GNG4: variants seen among roughly 807,000 people sequenced by gnomAD.
GNG4 encodes the protein guanine nucleotide-binding protein G(I)/G(S)/G(O) subunit gamma-4.
In GNG4, 4 loss-of-function variants were observed where a neutral mutation model predicts 5.8. The observed-to-expected ratio is 0.69, with a 90% CI of 0.34 to 1.57. The LOEUF (loss-of-function observed/expected upper bound fraction) is 1.57, where lower values mean the gene tolerates loss of function less well. Among genes scored for constraint, GNG4 ranks in the 40% most tolerant of loss-of-function variants. The pLI, the probability that GNG4 is intolerant of heterozygous loss-of-function variation, is 0.06. For missense variants in GNG4, 96 were observed against 95.1 expected (o/e 1.01, Z -0.04); for synonymous variants, 29 against 32.9 (o/e 0.88, Z 0.41).
chr1:235,598,877 C>A (rs1688188192), intron 1 of GNG4, among the ~76,000 whole-genome samples: 1 of 152,054 alleles, frequency 6.6e-6, no homozygotes, highest in African/African-American at 2.4e-5. Context: ...AGGTGCATGC[C>A]ACCATGCCTA....
Position 235,640,970 on chromosome 1 carries a change from G to C in GNG4, c.-123+8692C>G, listed in dbSNP as rs535532194. 7.0e-4 allele frequency among the ~76,000 whole-genome samples: 107 copies of C among 152,354 alleles called. 1 individual carries two copies. Among genetic ancestry groups the C allele is most frequent in the African/African-American group, 2.5e-3 (103 of 41,592 alleles). On this transcript the variant is annotated intron_variant, in intron 1 of 3. Coordinates refer to ENST00000391854, the MANE Select transcript of GNG4 (RefSeq NM_001098722.2). ...GTGTCATTTTGCAAAAAGAATCTCT[G>C]TCTCTTCCTCTACCTTGAGTTACAC...
At chr1:235,639,582 C>G (rs766163640) in intron 1 of GNG4, among the ~76,000 whole-genome samples, 1 of 152,030 alleles carries the variant, frequency 6.6e-6, no homozygotes, top group Non-Finnish European at 1.5e-5. Context: ...CTTACTCTGT[C>G]GCCCAGGCTG....
chr1:235,604,968 G>A (rs763605876), intron 1 of GNG4, among the ~76,000 whole-genome samples: 2 of 152,142 alleles, frequency 1.3e-5, no homozygotes, highest in East Asian at 1.9e-4. Context: ...AGCATGAACT[G>A]AGAAGCAGAA....
At chr1:235,593,450 T>C (rs1389836621) in intron 2 of GNG4, among the ~76,000 whole-genome samples, 2 of 152,214 alleles carry the variant, frequency 1.3e-5, no homozygotes, top group African/African-American at 2.4e-5. Flanking sequence ...CTTCTGTCCA[T>C]GAGCACTTGA....
rs1398258753 is a variant in GNG4 at position 235,595,467 on chromosome 1, G to A, written c.-78C>T. ...AGGCTGGCGGTGGCAGCAGCTGTCA[G>A]TCGTCAGATGAGAGGTGAATTCAGA... On this transcript the variant is annotated 5_prime_UTR_variant, in exon 2 of 4. Transcript: ENST00000391854. The A allele has an allele frequency of 6.6e-6, 1 of 152,388 alleles. No individual in the cohort carries two copies. Among genetic ancestry groups the A allele is most frequent in the Admixed American group, 6.5e-5 (1 of 15,288 alleles). The allele number at this position is 152,388 out of a possible 1,614,324, so 9.4% of individuals were successfully genotyped here.
chr1:235,631,115 T>C (rs1172175000), intron 1 of GNG4, among the ~76,000 whole-genome samples: 1 of 152,144 alleles, frequency 6.6e-6, no homozygotes, highest in African/African-American at 2.4e-5. Flanking sequence ...GCCAGGCTGG[T>C]CTCCAGCTCC....
intron 1 of GNG4, among the ~76,000 whole-genome samples, chr1:235,643,070 T>C (rs1657383991): frequency 6.6e-6 from 1 of 152,120 alleles, no homozygotes; most frequent in South Asian, 2.1e-4. Flanking sequence ...CCAGTCTCCC[T>C]GTCCTCCCTC....
At chr1:235,598,380 C>T (rs764829150) in intron 1 of GNG4, among the ~76,000 whole-genome samples, 5 of 152,066 alleles carry the variant, frequency 3.3e-5, no homozygotes, top group East Asian at 3.9e-4. Context: ...GAATCTGCAG[C>T]GGAGGATTGT....
At position 235,563,665 on chromosome 1, in the gene GNG4, TACTC is replaced by T. The variant is rs1687126365; in HGVS notation, c.100-11432_100-11429del. 2.0e-5 allele frequency among the ~76,000 whole-genome samples: 3 copies of T among 152,254 alleles called. No homozygotes were observed. The South Asian group carries it at 6.2e-4, about 32-fold the overall frequency. ...TCTTAATAGATCTGAAAATGTTAAA[TACTC>T]ACCTTCCCAGAATCTTGCAACTTGG... On this transcript the variant is annotated intron_variant, in intron 3 of 3. Transcript: ENST00000391854.
intron 1 of GNG4, among the ~76,000 whole-genome samples, chr1:235,599,167 G>T (rs1261562945): frequency 6.6e-6 from 1 of 152,160 alleles, no homozygotes; most frequent in Non-Finnish European, 1.5e-5. Flanking sequence ...CTGGGACCTC[G>T]GGGAGGCTGC....
At chr1:235,554,013 CATATAGGA>C (rs1468561855) in intron 3 of GNG4, among the ~76,000 whole-genome samples, 1 of 152,118 alleles carries the variant, frequency 6.6e-6, no homozygotes, top group Non-Finnish European at 1.5e-5. Context: ...ACAGGACGCC[CATATAGGA>C]ATTTCCCAGA....
At chr1:235,587,584 TGAGTGTGAGTGTGGGAGGGCATGGGGTG>T (rs1687831374) in intron 2 of GNG4, among the ~76,000 whole-genome samples, 1 of 820 alleles carries the variant, frequency 1.2e-3, no homozygotes, top group Non-Finnish European at 2.6e-3. Flanking sequence ...GGGGTGGCGG[TGAGTGTGAGTGTGGGAGGGCATGGGGTG>T]GGGTGTGTGA....
chr1:235,600,878 GAGCCCCTC>G (rs1334038949), intron 1 of GNG4, among the ~76,000 whole-genome samples: 1 of 152,210 alleles, frequency 6.6e-6, no homozygotes, highest in Non-Finnish European at 1.5e-5. Flanking sequence ...AGCTAACTGG[GAGCCCCTC>G]AAGGGCAGAG....
intron 3 of GNG4, among the ~76,000 whole-genome samples, chr1:235,563,403 C>CAAAAA (rs57471662): frequency 1.1e-4 from 6 of 52,382 alleles, no homozygotes; most frequent in Admixed American, 8.7e-4. Context: ...GAAACTGTCT[C>CAAAAA]AAAAAAAAAA....
chr1:235,639,058 C>T (rs943645838), intron 1 of GNG4, among the ~76,000 whole-genome samples: 3 of 152,222 alleles, frequency 2.0e-5, no homozygotes, highest in African/African-American at 7.2e-5. Flanking sequence ...GCCAGCCCAG[C>T]AGCATCCCCC....
At chr1:235,612,113 G>A (rs1047436906) in intron 1 of GNG4, among the ~76,000 whole-genome samples, 7 of 145,250 alleles carry the variant, frequency 4.8e-5, no homozygotes, top group African/African-American at 1.8e-4. Context: ...AAAAGAAAAC[G>A]AAGTACTTAC....
At chr1:235,576,131 G>A (rs929968376) in intron 3 of GNG4, among the ~76,000 whole-genome samples, 3 of 150,026 alleles carry the variant, frequency 2.0e-5, no homozygotes, top group Non-Finnish European at 4.4e-5. Context: ...CGTGATCTGG[G>A]CTCACTGAAA....
At chr1:235,607,193 C>T (rs970086747) in intron 1 of GNG4, among the ~76,000 whole-genome samples, 1 of 152,068 alleles carries the variant, frequency 6.6e-6, no homozygotes, top group East Asian at 1.9e-4. Flanking sequence ...ATGATCCCCC[C>T]GCCTTGGCCT....
chr1:235,625,255 C>G (rs886182848), intron 1 of GNG4, among the ~76,000 whole-genome samples: 1 of 152,090 alleles, frequency 6.6e-6, no homozygotes, highest in Non-Finnish European at 1.5e-5. Context: ...GCAAACTTCC[C>G]GGCATTTAAA....
Sources: allele counts gnomAD v4.1 joint callset (sites outside exome capture counted in the v4.1 genomes callset), GRCh38; gene constraint gnomAD v4.1.1; transcripts MANE v1.5; gene names NCBI Gene and HGNC (gene_info 2026-07-23, HGNC 2026-07-21).